SARS1: variants seen among roughly 807,000 people sequenced by gnomAD.
SARS1 encodes the protein seryl-tRNA synthetase 1, also known as serine--tRNA ligase, cytoplasmic.
SARS1 carries 25 observed loss-of-function variants against 63.7 expected under a neutral mutation model. The observed-to-expected ratio is 0.39, with a 90% CI of 0.29 to 0.55. The LOEUF is 0.55. SARS1 is among the 20% of genes least tolerant of loss of function. The probability of loss-of-function intolerance (pLI) is 0.62; values close to 1 mark genes in which losing one functional copy is unlikely to be tolerated. For missense variants in SARS1, 417 were observed against 649.7 expected, an observed-to-expected ratio of 0.64 and a Z score of 3.89; for synonymous variants, 231 against 243.5, an observed-to-expected ratio of 0.95 and a Z score of 0.48.
chr1:109,233,257 C>T lies in SARS1; in HGVS notation c.747+1471C>T, dbSNP rs185711116. Among the ~76,000 whole-genome samples the T allele has an allele frequency of 5.1e-3, 776 of 152,128 alleles. 7 individuals carry two copies. Among genetic ancestry groups the T allele is most frequent in the Non-Finnish European group, 8.2e-3 (557 of 68,012 alleles). The stretch of plus-strand genomic sequence containing the variant: ...AACTCCTGGGCTCAAACAATCCATC[C>T]GCCTCAGCCTTCCAAACTGTTGGGA... On this transcript the variant is annotated intron_variant, in intron 6 of 10. Transcript: ENST00000234677.
intron 1 of SARS1, among the ~76,000 whole-genome samples, chr1:109,218,773 T>C (rs906734344): frequency 2.5e-4 from 38 of 152,184 alleles, no homozygotes; most frequent in Non-Finnish European, 4.7e-4. Context: ...GGCACTCAAC[T>C]ACTGTTGTAG....
chr1:109,227,525 C>T (rs879847226), intron 2 of SARS1, among the ~76,000 whole-genome samples: 4 of 152,000 alleles, frequency 2.6e-5, no homozygotes, highest in Non-Finnish European at 5.9e-5. Flanking sequence ...GTTTGTTTTC[C>T]TTGGCTGTCT....
chr1:109,222,000 ATATATATATATTTT>A (rs1654949704), intron 1 of SARS1, among the ~76,000 whole-genome samples: 4 of 14,922 alleles, frequency 2.7e-4, no homozygotes, highest in East Asian at 4.2e-3. Flanking sequence ...ATATATATAT[ATATATATATATTTT>A]TTTTTTTTTT....
intron 1 of SARS1, among the ~76,000 whole-genome samples, chr1:109,222,002 ATATATATAT>A (rs1557715426): frequency 3.4e-4 from 4 of 11,646 alleles, no homozygotes; most frequent in Admixed American, 2.0e-3. Context: ...ATATATATAT[ATATATATAT>A]TTTTTTTTTT....
At position 109,233,926 on chromosome 1, in the gene SARS1, G is replaced by A. The variant is rs1331406075; in HGVS notation, c.748-1284G>A. ...ACTCTTTCACCCAGGCTAAAGTGAAGTGGCATGATCTCGGCTCATTGCAAC... is the reference window on the plus strand; with the variant it reads ...ACTCTTTCACCCAGGCTAAAGTGAAATGGCATGATCTCGGCTCATTGCAAC... On this transcript the variant is annotated intron_variant, in intron 6 of 10. Coordinates refer to ENST00000234677, the MANE Select transcript of SARS1 (RefSeq NM_006513.4). Among the ~76,000 whole-genome samples the A allele has an allele frequency of 4.4e-5, 6 of 137,748 alleles. No individual in the cohort carries two copies. In the South Asian group the frequency reaches 7.0e-4, roughly 16 times the overall value. The allele number at this position is 137,748 out of a possible 152,430, so 90.4% of individuals were successfully genotyped here. A position where few individuals can be genotyped will look rare whatever the true frequency, so the allele number is the denominator to read the frequency against.
rs1267408127 is a variant in SARS1, at chr1:109,235,220, A to G, written c.758A>G (p.Lys253Arg). 1 of 1,613,980 alleles carries G rather than the reference A, an allele frequency of 6.2e-7. No individual in the cohort carries two copies. Among genetic ancestry groups the G allele is most frequent in the Admixed American group, 1.7e-5 (1 of 60,034 alleles). Residue 253 changes from lysine (K) to arginine (R), a missense_variant, in exon 7 of 11, where the codon AAA becomes AGA. Physicochemically the swap from Lys to Arg is conservative, Grantham distance 26 (BLOSUM62 2). Around this residue, in one of 3 missense-constraint regions of SARS1, gnomAD observed 359 missense variants for 529.6 expected, o/e 0.68. Coordinates refer to ENST00000234677, the MANE Select transcript of SARS1 (RefSeq NM_006513.4). The surrounding 1 kb of genome is among the most constrained non-coding windows in gnomAD (Gnocchi z 4.7). ...TCCTTCCTTCCACAGGTGATTGGCA[A>G]AGGCAGTGAAAAGTCTGATGACAAC... Reference protein sequence around the residue: ...FDEELYKVIGKGSEKSDDNSY... With the variant: ...FDEELYKVIGRGSEKSDDNSY...
chr1:109,213,967 T>A lies in SARS1; in HGVS notation c.-26T>A. 6.3e-7 allele frequency: 1 copy of A among 1,599,134 alleles called. No individual in the cohort carries two copies. Among genetic ancestry groups the A allele is most frequent in the Non-Finnish European group, 8.5e-7 (1 of 1,171,570 alleles). On this transcript the variant is annotated 5_prime_UTR_variant, in exon 1 of 11. Transcript: ENST00000234677. ...TGCTGCGGCGCGATCCTTGCTTCCC[T>A]GAGCGTTGGCCCGGGAGGAAAGAAG...
At chr1:109,234,073 T>G (rs1443268334) in intron 6 of SARS1, among the ~76,000 whole-genome samples, 1 of 151,596 alleles carries the variant, frequency 6.6e-6, no homozygotes, top group Non-Finnish European at 1.5e-5. Flanking sequence ...GAGATGGGGT[T>G]TTGTCATGTT....
At chr1:109,223,367 A>G (rs1164780478) in intron 1 of SARS1, among the ~76,000 whole-genome samples, 1 of 152,198 alleles carries the variant, frequency 6.6e-6, no homozygotes, top group African/African-American at 2.4e-5. Flanking sequence ...TAGTTACTTG[A>G]GTGTCTTCCA....
intron 1 of SARS1, among the ~76,000 whole-genome samples, chr1:109,220,220 G>T (rs1386900958): frequency 6.6e-6 from 1 of 152,194 alleles, no homozygotes; most frequent in Admixed American, 6.5e-5. Context: ...ACTCATTTCT[G>T]TTGGGTATGT....
rs762431886 is a variant in SARS1 at position 109,235,289 on chromosome 1, T to C, written c.827T>C (p.Ile276Thr). The C allele has an allele frequency of 1.2e-6, 2 of 1,613,968 alleles. No homozygotes were observed. The highest frequency in any genetic ancestry group is 1.1e-5 in the South Asian group (1 of 91,066). The change falls in exon 7 of 11, where the codon ATT becomes ACT. Residue 276 changes from isoleucine (I) to threonine (T), a missense_variant. By Grantham distance (89) the Ile-to-Thr change is moderately conservative (BLOSUM62 -1). Transcript: ENST00000234677. The surrounding 1 kb of genome is among the most constrained non-coding windows in gnomAD (Gnocchi z 4.7). ...CTGATTGCCACCTCAGAGCAGCCCATTGCTGCCCTGCACCGGGATGAGTGG... is the reference window on the plus strand; with the variant it reads ...CTGATTGCCACCTCAGAGCAGCCCACTGCTGCCCTGCACCGGGATGAGTGG... ...KYLIATSEQPIAALHRDEWLR... is the reference protein window; with the variant it reads ...KYLIATSEQPTAALHRDEWLR...
rs1327407920 is a variant in SARS1, at chr1:109,229,125, C to T, written c.289-289C>T. Among the ~76,000 whole-genome samples, 6 of 152,118 alleles carry T rather than the reference C, an allele frequency of 3.9e-5. No homozygotes were observed. The East Asian group carries it at 5.8e-4, about 15-fold the overall frequency. On this transcript the variant is annotated intron_variant, in intron 3 of 10. Coordinates refer to ENST00000234677, the MANE Select transcript of SARS1 (RefSeq NM_006513.4). ...TTAAGGGAAAGTTCTCATAAGAGAG[C>T]GGCAGTACTTAAATTTCTGCAATGT...
chr1:109,216,886 G>T, intron 1 of SARS1: 1 of 967,886 alleles, frequency 1.0e-6, no homozygotes, highest in African/African-American at 1.8e-5. Flanking sequence ...GCCTCCCAAA[G>T]TGTTGGGATT....
chr1:109,228,622 C>A (rs935464938), intron 3 of SARS1, among the ~76,000 whole-genome samples, 190 bp downstream of exon 3: 1 of 152,070 alleles, frequency 6.6e-6, no homozygotes, highest in East Asian at 1.9e-4. Context: ...GAGATGGAGA[C>A]AGATGGAGTG....
At chr1:109,216,611 T>C in intron 1 of SARS1, 2 of 981,816 alleles carry the variant, frequency 2.0e-6, no homozygotes, top group Middle Eastern at 5.3e-4. Context: ...CTTTTTACTG[T>C]ACATTGAAAA....
At chr1:109,232,414 A>G (rs1165168651) in intron 6 of SARS1, among the ~76,000 whole-genome samples, 2 of 152,212 alleles carry the variant, frequency 1.3e-5, no homozygotes, top group Admixed American at 6.5e-5. Flanking sequence ...CAGCTGTCCA[A>G]TGCAGCAGTG....
chr1:109,226,677 A>AAT lies in SARS1; in HGVS notation c.208-1655_208-1654dup, dbSNP rs1553177726. On this transcript the variant is annotated intron_variant, in intron 2 of 10. Transcript: ENST00000234677. ...CCTGGCTAATTTAAAAAAAAAAAAA[A>AAT]ATATATATATATATATATATACACA... Among the ~76,000 whole-genome samples, 373 of 44,890 alleles carry AAT rather than the reference A, an allele frequency of 8.3e-3. 3 individuals carry two copies. Among genetic ancestry groups the AAT allele is most frequent in the East Asian group, 0.027 (44 of 1,604 alleles). 29.4% of individuals were successfully genotyped at this position (44,890 alleles called of 152,430 possible).
intron 1 of SARS1, among the ~76,000 whole-genome samples, chr1:109,218,635 A>G (rs1028647416): frequency 2.6e-5 from 4 of 152,110 alleles, no homozygotes; most frequent in Non-Finnish European, 5.9e-5. Context: ...CACTTCCCAC[A>G]TAGGGCCTCC....
chr1:109,214,607 T>C lies in SARS1; in HGVS notation c.136+479T>C. ...CAACACAGTAGATTCATTCCTTCGG[T>C]ATCGGAAGCATTTCGGGGCGTTGGA... On this transcript the variant is annotated intron_variant, in intron 1 of 10. Transcript: ENST00000234677. This position sits in a 1 kb window ranked among gnomAD's most constrained non-coding sequence, Gnocchi z 4.6. The C allele has an allele frequency of 1.0e-6, 1 of 985,894 alleles. No homozygotes were observed. Among genetic ancestry groups the C allele is most frequent in the Non-Finnish European group, 1.2e-6 (1 of 830,236 alleles). The allele number at this position is 985,894 out of a possible 1,614,324, so 61.1% of individuals were successfully genotyped here.
Sources: allele counts gnomAD v4.1 joint callset (sites outside exome capture counted in the v4.1 genomes callset), GRCh38; gene constraint gnomAD v4.1.1; regional missense constraint gnomAD v4.1.1; non-coding constraint Gnocchi (gnomAD v3.1); transcripts MANE v1.5; gene names NCBI Gene and HGNC (gene_info 2026-07-23, HGNC 2026-07-21).